Variants in BOP1 observed in about 807,000 individuals in gnomAD.
BOP1 encodes ribosome biogenesis protein BOP1.
Under a neutral mutation model 82.9 loss-of-function variants are expected in BOP1, and 54 were observed. The observed-to-expected ratio is 0.65, with a 90% confidence interval of 0.52 to 0.82. The LOEUF (loss-of-function observed/expected upper bound fraction) is 0.82. BOP1 is among the 40% of genes least tolerant of loss of function. The pLI, the probability that BOP1 is intolerant of heterozygous loss-of-function variation, is 0.00. For synonymous variants in BOP1, 566 were observed against 451.1 expected (o/e 1.25, Z -3.23); for missense variants, 1,170 against 1,072.0 (o/e 1.09, Z -1.28).
At chr8:144,262,803 GCCCCCCCCCCCACC>G in intron 13 of BOP1, 36 bp downstream of exon 13, 1 of 424,968 alleles carries the variant, frequency 2.4e-6, no homozygotes, top group Non-Finnish European at 3.8e-6. Context: ...AGGGTACACC[GCCCCCCCCCCCACC>G]CCTCACCTGC....
rs1169068213 is a variant in BOP1, at chr8:144,263,361, G to C, written c.1465C>G (p.Arg489Gly). 3 of 1,596,900 alleles carry C rather than the reference G, an allele frequency of 1.9e-6. No homozygotes were observed. Among genetic ancestry groups the C allele is most frequent in the Middle Eastern group, 2.0e-4 (1 of 5,046 alleles). Residue 489 changes from arginine to glycine, a missense_variant, in exon 12 of 16, where the codon CGG (arginine) becomes GGG (glycine). Transcript: ENST00000569669. Reference sequence around the variant, plus strand: ...TGATCTGTGCTGCCCGCCACCAGCCGGTCCCCCAGAGCTGGGTTCAGCAGC... The same window carrying C: ...TGATCTGTGCTGCCCGCCACCAGCCCGTCCCCCAGAGCTGGGTTCAGCAGC... Reference protein sequence around the residue: ...VLLLNPALGDRLVAGSTDQLL... With the variant: ...VLLLNPALGDGLVAGSTDQLL...
Position 144,263,520 on chromosome 8 carries a change from G to A in BOP1, c.1382C>T (p.Ala461Val), listed in dbSNP as rs1280691824. 12 of 1,599,336 alleles carry A rather than the reference G, an allele frequency of 7.5e-6. No homozygotes were observed. In the African/African-American group the frequency reaches 9.3e-5, roughly 12 times the overall value. The change falls in exon 11 of 16, where the codon GCC (alanine) becomes GTC (valine). Residue 461 changes from alanine to valine, a missense_variant. Ala to Val is a moderately conservative substitution (Grantham distance 64). Transcript: ENST00000569669. ...VPVGGVVKSV[A>V]WNPSPAVCLV... Reference sequence around the variant, plus strand: ...GCAGACAGCGGGGCTGGGGTTCCAGGCCACACTCTTCACCACGCCCCCCAC... The same window carrying A: ...GCAGACAGCGGGGCTGGGGTTCCAGACCACACTCTTCACCACGCCCCCCAC...
At chr8:144,287,189 T>C (rs537294488) in intron 2 of BOP1, among the ~76,000 whole-genome samples, 1 of 152,066 alleles carries the variant, frequency 6.6e-6, no homozygotes, top group South Asian at 2.1e-4. Context: ...TTTATATTTT[T>C]AGTAGAGACA....
intron 3 of BOP1, among the ~76,000 whole-genome samples, chr8:144,273,117 C>CGCGCCGCCA (rs1554837979): frequency 6.6e-6 from 1 of 152,142 alleles, no homozygotes; most frequent in Non-Finnish European, 1.5e-5. Flanking sequence ...GAGCCGAGGC[C>CGCGCCGCCA]GCGCCGCCAG....
Position 144,283,201 on chromosome 8 carries a change from C to CAAAAAAAAA in BOP1, c.309+5885_309+5893dup, listed in dbSNP as rs60868806. On this transcript the variant is annotated intron_variant, in intron 2 of 15. Coordinates refer to ENST00000569669, the MANE Select transcript of BOP1 (RefSeq NM_015201.5). ...CGATAAGAGCAAAAAAACTCCATCT[C>CAAAAAAAAA]AAAAAAAAAAAAAAAAAAAAAAAAG... Among the ~76,000 whole-genome samples the CAAAAAAAAA allele has an allele frequency of 3.9e-3, 212 of 54,290 alleles. 2 individuals are homozygous for CAAAAAAAAA. The highest frequency in any genetic ancestry group is 0.028 in the Middle Eastern group (2 of 72). 35.6% of individuals were successfully genotyped at this position (54,290 alleles called of 152,430 possible).
intron 2 of BOP1, among the ~76,000 whole-genome samples, chr8:144,288,781 T>A (rs1389737680): frequency 2.0e-5 from 3 of 152,096 alleles, no homozygotes; most frequent in Non-Finnish European, 1.5e-5. Flanking sequence ...CTCAGCTGGG[T>A]CCTGCCACTG....
intron 3 of BOP1, chr8:144,268,370 T>G: frequency 3.3e-6 from 2 of 603,944 alleles, no homozygotes; most frequent in East Asian, 2.8e-5. Flanking sequence ...CACTGGAACT[T>G]TCTGCGCTGG....
chr8:144,276,100 AG>A (rs1161403770), intron 3 of BOP1, 123 bp downstream of exon 3: 1 of 1,139,600 alleles, frequency 8.8e-7, no homozygotes, highest in African/African-American at 1.5e-5. Context: ...CGGCTCCAAC[AG>A]TGCGGCCCAC....
At chr8:144,271,183 G>GCCGCAAC (rs1845486191) in intron 3 of BOP1, among the ~76,000 whole-genome samples, 1 of 152,212 alleles carries the variant, frequency 6.6e-6, no homozygotes, top group South Asian at 2.1e-4. Context: ...CCGGACACAG[G>GCCGCAAC]CCGCAACCGG....
intron 3 of BOP1, among the ~76,000 whole-genome samples, chr8:144,271,219 G>A (rs1006995039): frequency 1.1e-4 from 17 of 152,058 alleles, no homozygotes; most frequent in South Asian, 2.1e-4. Flanking sequence ...GGATTTTTCC[G>A]CTCTCGATGA....
chr8:144,264,481 G>C (rs1205514885), intron 6 of BOP1, 34 bp downstream of exon 6: 1 of 1,608,148 alleles, frequency 6.2e-7, no homozygotes, highest in Non-Finnish European at 8.5e-7. Flanking sequence ...GGGGCGGTCA[G>C]CCCAGGCCAA....
intron 11 of BOP1, 21 bp from the exon 12 acceptor site, chr8:144,263,422 C>CG: frequency 6.3e-7 from 1 of 1,597,820 alleles, no homozygotes; most frequent in Non-Finnish European, 8.5e-7. Flanking sequence ...GGCCCAGACA[C>CG]GGCCCCTAAG....
At position 144,263,112 on chromosome 8, in the gene BOP1, A is replaced by G. The variant is rs1554836723; in HGVS notation, c.1635T>C (p.Arg545=). 1 of 1,593,450 alleles carries G rather than the reference A, an allele frequency of 6.3e-7. No individual in the cohort carries two copies. The highest frequency in any genetic ancestry group is 1.3e-5 in the African/African-American group (1 of 74,840). ...KPVTQVTWHG[R]GDYLAVVLAT... is the part of the protein sequence containing the mutation. ...CCAGCACCACGGCCAGGTAGTCCCC[A>G]CGCCCGTGCCAGGTCACCTGCGTCA... The change falls in exon 13 of 16, where the codon CGT becomes CGC. Residue 545 remains arginine, a synonymous_variant. Transcript: ENST00000569669.
chr8:144,262,332 A>AG lies in BOP1; in HGVS notation c.2088-16dup, dbSNP rs1845214338. ...GCAGAAGGTCACTGTGGGGACGAGG[A>AG]GGGCTCAGGGCACGGCCAGACACCA... On this transcript the variant is annotated splice_polypyrimidine_tract_variant and intron_variant, in intron 15 of 15. Transcript: ENST00000569669. The AG allele has an allele frequency of 3.7e-6, 6 of 1,612,570 alleles. No individual in the cohort carries two copies. The Admixed American group carries it at 1.0e-4, about 27-fold the overall frequency.
At chr8:144,281,782 A>T (rs1200164879) in intron 2 of BOP1, 2 of 152,132 alleles carry the variant, frequency 1.3e-5, no homozygotes, top group Non-Finnish European at 2.9e-5. Flanking sequence ...ATGAGGTTTC[A>T]CCATGTTGGC....
chr8:144,285,178 G>A (rs1554839328), intron 2 of BOP1, among the ~76,000 whole-genome samples: 1 of 152,228 alleles, frequency 6.6e-6, no homozygotes, highest in Non-Finnish European at 1.5e-5. Flanking sequence ...CTTCTTCACA[G>A]CACCATCGGG....
Position 144,262,812 on chromosome 8 carries a change from C to CG in BOP1, c.1894+40_1894+41insC, listed in dbSNP as rs782001671. On this transcript the variant is annotated intron_variant, in intron 13 of 15. Coordinates refer to ENST00000569669, the MANE Select transcript of BOP1 (RefSeq NM_015201.5). ...ACCTGCAGGGTACACCGCCCCCCCC[C>CG]CCACCCCTCACCTGCAGGGTGCACC... The CG allele has an allele frequency of 1.9e-4, 133 of 702,820 alleles. 7 individuals are homozygous for CG. The African/African-American group carries it at 2.8e-3, about 15-fold the overall frequency. The allele number at this position is 702,820 out of a possible 1,614,324, so 43.5% of individuals were successfully genotyped here.
chr8:144,285,886 G>A (rs1053834315), intron 2 of BOP1, among the ~76,000 whole-genome samples: 14 of 152,240 alleles, frequency 9.2e-5, no homozygotes, highest in African/African-American at 3.1e-4. Context: ...GACTGCCTTC[G>A]GGATGACACA....
At chr8:144,266,547 CGCGGCGGCCGCAG>C in intron 3 of BOP1, 1 of 997,428 alleles carries the variant, frequency 1.0e-6, no homozygotes, top group Non-Finnish European at 1.2e-6. Flanking sequence ...CCGCGAGGCC[CGCGGCGGCCGCAG>C]GAGGCGGCAT....
Sources: gnomAD v4.1 joint callset for allele counts (sites outside exome capture counted in the v4.1 genomes callset) on GRCh38, gnomAD v4.1.1 for gene constraint, MANE v1.5 for transcripts, NCBI Gene and HGNC (gene_info 2026-07-23, HGNC 2026-07-21) for gene names.